The following LONP2 variants were observed in gnomAD, a reference collection of about 807,000 sequenced individuals.
LONP2 encodes lon protease homolog 2, peroxisomal.
Under a neutral mutation model 85.6 loss-of-function variants are expected in LONP2, and 60 were observed. The ratio of observed to expected loss-of-function variants is 0.70; its 90% confidence interval spans 0.57 to 0.87. The LOEUF is 0.87. Among genes scored for constraint, LONP2 ranks in the 40% least tolerant of loss-of-function variants. LONP2 has a pLI of 0.00. For missense variants in LONP2, 860 were observed against 1,063.5 expected, an observed-to-expected ratio of 0.81 and a Z score of 2.66; for synonymous variants, 395 against 389.7, an observed-to-expected ratio of 1.01 and a Z score of -0.16.
chr16:48,331,856 G>A (rs377672144), intron 11 of LONP2, among the ~76,000 whole-genome samples: 2 of 152,216 alleles, frequency 1.3e-5, no homozygotes, highest in African/African-American at 2.4e-5. Context: ...GAGCCACCAC[G>A]CCTGGCCAGG....
At position 48,325,972 on chromosome 16, in the gene LONP2, G is replaced by A. The variant is rs185465677; in HGVS notation, c.1796-8244G>A. 9.2e-5 allele frequency among the ~76,000 whole-genome samples: 14 copies of A among 152,336 alleles called. No individual in the cohort carries two copies. The East Asian group carries it at 2.7e-3, about 29-fold the overall frequency. ...GGACAAAAAGTGTCTTTGAGAGTCA[G>A]TAGTCCTAATACTGTCTGTGAATGC... On this transcript the variant is annotated intron_variant, in intron 11 of 14. Transcript: ENST00000285737.
chr16:48,249,913 C>T (rs922461740), intron 1 of LONP2, among the ~76,000 whole-genome samples: 1 of 151,002 alleles, frequency 6.6e-6, no homozygotes, highest in Non-Finnish European at 1.5e-5. Context: ...CCCTTTTGGC[C>T]AGGTGTGGTG....
At chr16:48,330,625 A>G (rs1233537339) in intron 11 of LONP2, among the ~76,000 whole-genome samples, 2 of 152,146 alleles carry the variant, frequency 1.3e-5, no homozygotes, top group Admixed American at 6.6e-5. Context: ...CAAAGTGGGT[A>G]TTCTAGGAAG....
intron 1 of LONP2, among the ~76,000 whole-genome samples, chr16:48,247,742 G>A (rs893027432): frequency 2.0e-5 from 3 of 152,164 alleles, no homozygotes; most frequent in African/African-American, 7.2e-5. Flanking sequence ...ATCCTTTCAA[G>A]CATTTCAAGA....
chr16:48,246,005 G>A (rs917626293), intron 1 of LONP2, among the ~76,000 whole-genome samples: 2 of 152,028 alleles, frequency 1.3e-5, no homozygotes, highest in African/African-American at 2.4e-5. Flanking sequence ...ATGGATTTCC[G>A]GAGGGTTGGA....
At position 48,244,393 on chromosome 16, in the gene LONP2, C is replaced by T; in HGVS notation, c.5C>T (p.Ser2Leu). 6.5e-7 allele frequency: 1 copy of T among 1,547,916 alleles called. No homozygotes were observed. Among genetic ancestry groups the T allele is most frequent in the Non-Finnish European group, 8.7e-7 (1 of 1,152,080 alleles). ...CCAGTGCGAAAGGCTGCCAGCATGT[C>T]ATCAGTGAGCCCCATCCAGATCCCC... is the stretch of plus-strand genomic sequence containing the variant. M[S>L]SVSPIQIPSR... Residue 2 changes from serine (S) to leucine (L), a missense_variant, in exon 1 of 15, where the codon TCA (serine) becomes TTA (leucine). Physicochemically the swap from Ser to Leu is moderately radical, Grantham distance 145. Around this residue, in one of 3 missense-constraint regions of LONP2, gnomAD observed 743 missense variants for 917.3 expected, o/e 0.81. Coordinates refer to ENST00000285737, the MANE Select transcript of LONP2 (RefSeq NM_031490.5).
At chr16:48,274,354 A>AC (rs1249147198) in intron 7 of LONP2, among the ~76,000 whole-genome samples, 1 of 151,994 alleles carries the variant, frequency 6.6e-6, no homozygotes, top group Non-Finnish European at 1.5e-5. Context: ...TCCTTTATGT[A>AC]CCCCATGATG....
intron 14 of LONP2, among the ~76,000 whole-genome samples, chr16:48,351,040 C>G (rs1206524008): frequency 1.3e-5 from 2 of 152,196 alleles, no homozygotes; most frequent in African/African-American, 4.8e-5. Context: ...TACCGAGTCA[C>G]AAAGCCTGGC....
intron 6 of LONP2, among the ~76,000 whole-genome samples, chr16:48,263,911 G>C (rs1971930392): frequency 6.6e-6 from 1 of 152,074 alleles, no homozygotes. Flanking sequence ...TTAAAGCTGG[G>C]TGTCTGGGGG....
chr16:48,249,528 C>T (rs1268940936), intron 1 of LONP2, among the ~76,000 whole-genome samples: 1 of 152,168 alleles, frequency 6.6e-6, no homozygotes, highest in East Asian at 1.9e-4. Flanking sequence ...CAGTGTCTCA[C>T]CAGGTACTCT....
Position 48,244,555 on chromosome 16 carries a change from T to A in LONP2, c.167T>A (p.Ile56Asn). The A allele has an allele frequency of 6.5e-7, 1 of 1,539,320 alleles. No homozygotes were observed. Among genetic ancestry groups the A allele is most frequent in the Non-Finnish European group, 8.7e-7 (1 of 1,146,056 alleles). The change falls in exon 1 of 15, where the codon ATC becomes AAC. Residue 56 changes from isoleucine (I) to asparagine (N), a missense_variant. By Grantham distance (149) the Ile-to-Asn change is moderately radical (BLOSUM62 -3). Around this residue, in one of 3 missense-constraint regions of LONP2, gnomAD observed 743 missense variants for 917.3 expected, o/e 0.81. Coordinates refer to ENST00000285737, the MANE Select transcript of LONP2 (RefSeq NM_031490.5). Reference sequence around the variant, plus strand: ...AAGGGCACGTCGCTGCAAAGCACCATCCTGGGCGTCATCCCCAACACGCCT... The same window carrying A: ...AAGGGCACGTCGCTGCAAAGCACCAACCTGGGCGTCATCCCCAACACGCCT... ...LLKGTSLQST[I>N]LGVIPNTPDP...
At chr16:48,279,078 T>C (rs1972272179) in intron 8 of LONP2, among the ~76,000 whole-genome samples, 1 of 152,126 alleles carries the variant, frequency 6.6e-6, no homozygotes, top group Non-Finnish European at 1.5e-5. Context: ...AGAAAGATAC[T>C]TATAGATATA....
At chr16:48,341,354 G>A (rs1486397116) in intron 12 of LONP2, among the ~76,000 whole-genome samples, 2 of 152,096 alleles carry the variant, frequency 1.3e-5, no homozygotes, top group Non-Finnish European at 2.9e-5. Flanking sequence ...CTTCTGGGGA[G>A]GCCTCAGGAA....
intron 1 of LONP2, among the ~76,000 whole-genome samples, chr16:48,249,966 T>C (rs972570279): frequency 1.1e-4 from 17 of 150,694 alleles, no homozygotes; most frequent in African/African-American, 3.9e-4. Context: ...CTGAGGTGGG[T>C]GGATTACCTT....
chr16:48,264,285 T>C (rs1971941459), intron 6 of LONP2, among the ~76,000 whole-genome samples: 2 of 152,190 alleles, frequency 1.3e-5, no homozygotes, highest in South Asian at 4.1e-4. Flanking sequence ...ACCTCTGCAA[T>C]CTCGACCATA....
intron 6 of LONP2, among the ~76,000 whole-genome samples, chr16:48,267,651 T>C (rs1972019277): frequency 6.6e-6 from 1 of 152,116 alleles, no homozygotes; most frequent in South Asian, 2.1e-4. Flanking sequence ...TGTCTTGCCC[T>C]GTCGGCCAGG....
chr16:48,357,937 T>A (rs953284105), downstream of LONP2, among the ~76,000 whole-genome samples: 1 of 152,078 alleles, frequency 6.6e-6, no homozygotes, highest in Non-Finnish European at 1.5e-5. Context: ...AGTTTAAGGG[T>A]ATAAAAGCAA....
rs765507454 is a variant in LONP2, at chr16:48,296,195, T to A, written c.1534+30T>A. 12 of 1,604,988 alleles carry A rather than the reference T, an allele frequency of 7.5e-6. No homozygotes were observed. The African/African-American group carries it at 1.6e-4, about 22-fold the overall frequency. On this transcript the variant is annotated intron_variant, in intron 9 of 14. Coordinates refer to ENST00000285737, the MANE Select transcript of LONP2 (RefSeq NM_031490.5). ...CTGACTCTTAAATCATTATGATACA[T>A]CTTGCCTTTCTGACCATAACTTTAA...
intron 11 of LONP2, among the ~76,000 whole-genome samples, chr16:48,307,380 G>C (rs1972933324): frequency 6.6e-6 from 1 of 152,122 alleles, no homozygotes; most frequent in Admixed American, 6.6e-5. Flanking sequence ...CCTGCCTTTT[G>C]CCAAGAAAGA....
Sources: allele counts gnomAD v4.1 joint callset (sites outside exome capture counted in the v4.1 genomes callset), GRCh38; gene constraint gnomAD v4.1.1; regional missense constraint gnomAD v4.1.1; transcripts MANE v1.5; gene names NCBI Gene and HGNC (gene_info 2026-07-23, HGNC 2026-07-21).